Variants in OTUD7A observed in about 807,000 individuals in gnomAD.
OTUD7A encodes OTU domain-containing protein 7A.
OTUD7A carries 12 observed loss-of-function variants against 65.7 expected under a neutral mutation model. The observed-to-expected ratio is 0.18, with a 90% CI of 0.12 to 0.30. OTUD7A has a LOEUF of 0.30. Ranked by LOEUF, OTUD7A falls within the 10% of genes least tolerant of loss-of-function variation. The pLI, the probability that OTUD7A is intolerant of heterozygous loss-of-function variation, is 1.00. For synonymous variants in OTUD7A, 641 were observed against 586.3 expected (o/e 1.09, Z -1.35); for missense variants, 1,148 against 1,304.8 (o/e 0.88, Z 1.85).
intron 1 of OTUD7A, among the ~76,000 whole-genome samples, chr15:31,863,316 C>T (rs1897793735): frequency 6.6e-6 from 1 of 152,176 alleles, no homozygotes; most frequent in South Asian, 2.1e-4. Context: ...AGGCAGTGCC[C>T]CAGGAGGGAC....
intron 1 of OTUD7A, among the ~76,000 whole-genome samples, chr15:31,759,235 TA>T (rs1484593775): frequency 6.6e-6 from 1 of 152,250 alleles, no homozygotes; most frequent in East Asian, 1.9e-4. Flanking sequence ...GTGCATCTTT[TA>T]AAAGACACTA....
intron 8 of OTUD7A, among the ~76,000 whole-genome samples, chr15:31,514,833 A>G (rs1277448308): frequency 6.6e-6 from 1 of 152,252 alleles, no homozygotes; most frequent in Non-Finnish European, 1.5e-5. Flanking sequence ...GTAGAAGAGG[A>G]ATGTTTTAAA....
chr15:31,499,462 T>C (rs1322770802), intron 10 of OTUD7A, among the ~76,000 whole-genome samples: 2 of 152,140 alleles, frequency 1.3e-5, no homozygotes, highest in Admixed American at 1.3e-4. Flanking sequence ...CAGGCCTGAG[T>C]CTGCAGCTCA....
intron 4 of OTUD7A, among the ~76,000 whole-genome samples, chr15:31,559,743 A>C (rs1888628246): frequency 1.3e-5 from 2 of 152,200 alleles, no homozygotes; most frequent in African/African-American, 2.4e-5. Context: ...ACACATATAG[A>C]TGTATTTGCA....
At chr15:31,543,144 T>C (rs1888034020) in intron 5 of OTUD7A, among the ~76,000 whole-genome samples, 1 of 151,672 alleles carries the variant, frequency 6.6e-6, no homozygotes, top group African/African-American at 2.4e-5. Flanking sequence ...GACAACAACT[T>C]ACAAAACAGG....
intron 3 of OTUD7A, among the ~76,000 whole-genome samples, chr15:31,605,385 C>A (rs1362416403): frequency 1.3e-5 from 2 of 152,278 alleles, no homozygotes; most frequent in East Asian, 3.9e-4. Context: ...AGTGGCCACG[C>A]ATCTGGTCAC....
rs775830047 is a variant in OTUD7A at position 31,503,757 on chromosome 15, C to T, written c.955G>A (p.Ala319Thr). The stretch of plus-strand genomic sequence containing the variant: ...ACGATGGGCCTTCTTAATATATGGG[C>T]TAGGACAAAAACGTGGAACTCTTCC... Reference protein sequence around the residue: ...SLEEFHVFVLAHILRRPIVVV... With the variant: ...SLEEFHVFVLTHILRRPIVVV... Residue 319 changes from alanine to threonine, a missense_variant, in exon 9 of 13, where the codon GCC becomes ACC. Transcript: ENST00000307050. 5 of 1,614,032 alleles carry T rather than the reference C, an allele frequency of 3.1e-6. No homozygotes were observed. The African/African-American group carries it at 4.0e-5, about 13-fold the overall frequency.
chr15:31,749,507 G>A (rs1340475251), intron 1 of OTUD7A, among the ~76,000 whole-genome samples: 1 of 152,162 alleles, frequency 6.6e-6, no homozygotes, highest in South Asian at 2.1e-4. Flanking sequence ...AGTCTGAGAA[G>A]GCTAATGGCA....
chr15:31,618,358 T>C (rs569962708), intron 3 of OTUD7A, among the ~76,000 whole-genome samples: 1 of 152,252 alleles, frequency 6.6e-6, no homozygotes, highest in African/African-American at 2.4e-5. Context: ...CGCCACACTG[T>C]CTTCCACAAT....
chr15:31,504,536 A>G (rs1365355318), intron 8 of OTUD7A, among the ~76,000 whole-genome samples: 2 of 152,170 alleles, frequency 1.3e-5, no homozygotes, highest in Non-Finnish European at 2.9e-5. Flanking sequence ...CCCAAAAGGG[A>G]GGTGCACGTT....
chr15:31,839,162 C>A (rs774864219), intron 1 of OTUD7A, among the ~76,000 whole-genome samples: 1 of 152,224 alleles, frequency 6.6e-6, no homozygotes, highest in African/African-American at 2.4e-5. Context: ...GTTCGAAACA[C>A]CATGCTGGGG....
chr15:31,691,186 A>T (rs1389321074), intron 1 of OTUD7A, among the ~76,000 whole-genome samples: 1 of 152,236 alleles, frequency 6.6e-6, no homozygotes, highest in Admixed American at 6.5e-5. Flanking sequence ...TACAGATTCA[A>T]TGCAATTCCC....
At chr15:31,622,074 C>G (rs12324760) in intron 3 of OTUD7A, among the ~76,000 whole-genome samples, 43,757 of 151,908 alleles carry the variant, frequency 0.29, 7,473 homozygotes, top group African/African-American at 0.47. Flanking sequence ...TTTTCTTTAA[C>G]AATGTTGAAT....
At chr15:31,492,339 G>A (rs909709882) in intron 10 of OTUD7A, among the ~76,000 whole-genome samples, 4 of 152,196 alleles carry the variant, frequency 2.6e-5, no homozygotes, top group Non-Finnish European at 5.9e-5. Flanking sequence ...AACACTTTGG[G>A]AGGCCAAGGT....
At chr15:31,816,942 G>A (rs982692433) in intron 1 of OTUD7A, among the ~76,000 whole-genome samples, 2 of 152,152 alleles carry the variant, frequency 1.3e-5, no homozygotes, top group Admixed American at 1.3e-4. Context: ...GGTACATTAA[G>A]AAAGGCAAAC....
chr15:31,669,473 C>T (rs1032192470), intron 1 of OTUD7A, among the ~76,000 whole-genome samples: 6 of 152,176 alleles, frequency 3.9e-5, no homozygotes, highest in Admixed American at 6.5e-5. Context: ...CCATGCAGTC[C>T]GAAGGGCCGG....
At chr15:31,519,552 T>C (rs988091505) in intron 8 of OTUD7A, among the ~76,000 whole-genome samples, 20 of 152,194 alleles carry the variant, frequency 1.3e-4, no homozygotes, top group African/African-American at 4.6e-4. Flanking sequence ...GCATACTTAA[T>C]GGGGAAAAGT....
At chr15:31,643,378 T>G (rs986163815) in intron 3 of OTUD7A, among the ~76,000 whole-genome samples, 1 of 151,784 alleles carries the variant, frequency 6.6e-6, no homozygotes, top group Non-Finnish European at 1.5e-5. Flanking sequence ...TCACTAACCT[T>G]TCTCTTTTTT....
At position 31,565,844 on chromosome 15, in the gene OTUD7A, C is replaced by T. The variant is rs558016796; in HGVS notation, c.331+4174G>A. Among the ~76,000 whole-genome samples the T allele has an allele frequency of 2.0e-5, 3 of 152,208 alleles. No homozygotes were observed. In the East Asian group the frequency reaches 5.8e-4, roughly 29 times the overall value. On this transcript the variant is annotated intron_variant, in intron 4 of 12. Coordinates refer to ENST00000307050, the MANE Select transcript of OTUD7A (RefSeq NM_001382637.1). ...GCAAAACCAGATTCTTTGCTATTTACAAAAATTTCAAATTGATGAAAAGAC... is the reference window on the plus strand; with the variant it reads ...GCAAAACCAGATTCTTTGCTATTTATAAAAATTTCAAATTGATGAAAAGAC...
Sources: allele counts gnomAD v4.1 joint callset (sites outside exome capture counted in the v4.1 genomes callset), GRCh38; gene constraint gnomAD v4.1.1; transcripts MANE v1.5; gene names NCBI Gene and HGNC (gene_info 2026-07-23, HGNC 2026-07-21).